Variants in CTPS2 observed in about 807,000 individuals in gnomAD.
The protein encoded by CTPS2 is CTP synthase 2.
CTPS2 carries 19 observed loss-of-function variants against 46.8 expected under a neutral mutation model. The observed-to-expected ratio is 0.41, with a 90% CI of 0.28 to 0.60. The LOEUF (loss-of-function observed/expected upper bound fraction) is 0.60. Ranked by LOEUF, CTPS2 falls within the 20% of genes least tolerant of loss-of-function variation. The probability of loss-of-function intolerance (pLI) is 0.35; values close to 1 mark genes in which losing one functional copy is unlikely to be tolerated. For missense variants in CTPS2, 286 were observed against 447.6 expected (o/e 0.64, Z 3.26); for synonymous variants, 151 against 165.2 (o/e 0.91, Z 0.66).
At chrX:16,611,915 A>T (rs1164175969) in intron 16 of CTPS2, among the ~76,000 whole-genome samples, 1 of 112,316 alleles carries the variant, frequency 8.9e-6, no homozygotes, top group African/African-American at 3.2e-5. Context: ...AAATTAAGCA[A>T]TGTAGCTTAA....
chrX:16,625,740 T>C (rs751661022), intron 14 of CTPS2, among the ~76,000 whole-genome samples: 3 of 109,586 alleles, frequency 2.7e-5, no homozygotes, highest in African/African-American at 3.3e-5. Context: ...GGAGATGGAG[T>C]GGGAAGATGA....
chrX:16,685,867 CAA>C (rs397976604), intron 8 of CTPS2, among the ~76,000 whole-genome samples: 19 of 24,474 alleles, frequency 7.8e-4, no homozygotes, highest in Middle Eastern at 0.017. Flanking sequence ...ACTCTGTCTC[CAA>C]AAAAAAAAAA....
Position 16,609,588 on chromosome X carries a change from A to G in CTPS2, c.1644T>C (p.Thr548=), listed in dbSNP as rs1930159486. 8.3e-7 allele frequency: 1 copy of G among 1,209,713 alleles called. No individual in the cohort carries two copies. Among genetic ancestry groups the G allele is most frequent in the African/African-American group, 1.7e-5 (1 of 57,179 alleles). Residue 548 remains threonine, a synonymous_variant, in exon 17 of 19, where the codon ACT becomes ACC. Coordinates refer to ENST00000359276, the MANE Select transcript of CTPS2 (RefSeq NM_175859.3). ...GTTGCAAGTAGGCATTCAGGTTCCC[A>G]GTTGCTGCAAGTAACAGCCCCAGAT... ...PPYLGLLLAA[T]GNLNAYLQQG...
chrX:16,643,228 T>G (rs1460616826), intron 13 of CTPS2, among the ~76,000 whole-genome samples: 1 of 112,195 alleles, frequency 8.9e-6, no homozygotes, highest in Non-Finnish European at 1.9e-5. Flanking sequence ...TGACTGGACC[T>G]ACCTGACCTA....
intron 17 of CTPS2, among the ~76,000 whole-genome samples, chrX:16,608,226 A>T (rs140218245): frequency 0.013 from 1,404 of 110,577 alleles, 35 homozygotes; most frequent in Admixed American, 0.063. Context: ...ATAAATAAAT[A>T]AATTAATTTA....
chrX:16,667,128 C>T (rs995143076), intron 13 of CTPS2, among the ~76,000 whole-genome samples: 1 of 97,288 alleles, frequency 1.0e-5, no homozygotes, highest in Non-Finnish European at 2.1e-5. Context: ...ATAATAGACC[C>T]CCCCCCGCCT....
intron 13 of CTPS2, among the ~76,000 whole-genome samples, chrX:16,656,678 T>G: frequency 8.9e-6 from 1 of 111,992 alleles, no homozygotes. Context: ...CCTCCCAAAG[T>G]GCTGGGATTA....
At chrX:16,682,992 C>A in intron 9 of CTPS2, 102 bp downstream of exon 9, 1 of 893,287 alleles carries the variant, frequency 1.1e-6, no homozygotes. Flanking sequence ...ATCGTAAGTC[C>A]TGCAGGTGAT....
chrX:16,696,777 T>C (rs1332763317), intron 4 of CTPS2, among the ~76,000 whole-genome samples: 1 of 111,515 alleles, frequency 9.0e-6, no homozygotes, highest in Non-Finnish European at 1.9e-5. Context: ...ATCTTCTACA[T>C]ATCATGATAT....
intron 7 of CTPS2, among the ~76,000 whole-genome samples, chrX:16,691,064 C>A (rs1410525407): frequency 8.9e-6 from 1 of 112,624 alleles, no homozygotes; most frequent in Non-Finnish European, 1.9e-5. Flanking sequence ...CGCCTGTAAT[C>A]CCAGCACTAT....
At chrX:16,701,105 C>T (rs1398481420) in intron 2 of CTPS2, among the ~76,000 whole-genome samples, 1 of 112,123 alleles carries the variant, frequency 8.9e-6, no homozygotes, top group African/African-American at 3.2e-5. Context: ...TGGTGGGTAA[C>T]ATTTTGAAGC....
At chrX:16,609,014 A>T (rs1930129181) in intron 17 of CTPS2, among the ~76,000 whole-genome samples, 2 of 111,998 alleles carry the variant, frequency 1.8e-5, no homozygotes, top group African/African-American at 6.5e-5. Context: ...AAAATATTTG[A>T]CTACATACAT....
chrX:16,668,328 G>A (rs750791495), intron 11 of CTPS2, among the ~76,000 whole-genome samples: 4 of 105,766 alleles, frequency 3.8e-5, no homozygotes, highest in Non-Finnish European at 5.8e-5. Context: ...TAATCCCAGC[G>A]CTTTGGGAGG....
At chrX:16,698,199 G>T in intron 4 of CTPS2, 37 bp downstream of exon 4, 1 of 981,141 alleles carries the variant, frequency 1.0e-6, no homozygotes, top group Non-Finnish European at 1.5e-6. Flanking sequence ...CAAAGACCCA[G>T]CAGGATATAA....
At chrX:16,630,507 G>A (rs1461469006) in intron 14 of CTPS2, among the ~76,000 whole-genome samples, 4 of 110,331 alleles carry the variant, frequency 3.6e-5, no homozygotes, top group Non-Finnish European at 7.6e-5. Flanking sequence ...GCCCACCTCG[G>A]CCTCCCAAAG....
rs1930751431 is a variant in CTPS2, at chrX:16,620,279, C to T, written c.1447G>A (p.Glu483Lys). 8.3e-7 allele frequency: 1 copy of T among 1,200,365 alleles called. No homozygotes were observed. Among genetic ancestry groups the T allele is most frequent in the Non-Finnish European group, 1.1e-6 (1 of 886,015 alleles). The change falls in exon 15 of 19, where the codon GAG becomes AAG. Residue 483 changes from glutamate (E) to lysine (K), a missense_variant and splice_region_variant. Coordinates refer to ENST00000359276, the MANE Select transcript of CTPS2 (RefSeq NM_175859.3). ...GTAATTCAGCATGAAAGCCGTACCT[C>T]GAACCGATGTCTGTGTCTTTCTTCT... Reference protein sequence around the residue: ...FIEERHRHRFEVNPNLIKQFE... With the variant: ...FIEERHRHRFKVNPNLIKQFE...
intron 3 of CTPS2, 47 bp downstream of exon 3, chrX:16,698,876 A>G: frequency 1.8e-6 from 2 of 1,126,099 alleles, no homozygotes; most frequent in Non-Finnish European, 2.4e-6. Context: ...GAGCAGTACA[A>G]AGATATTCAG....
At chrX:16,673,770 G>GT (rs1445310961) in intron 10 of CTPS2, among the ~76,000 whole-genome samples, 4 of 111,744 alleles carry the variant, frequency 3.6e-5, no homozygotes, top group African/African-American at 6.5e-5. Context: ...CAGATATTAG[G>GT]TTTTCTCAAT....
intron 13 of CTPS2, among the ~76,000 whole-genome samples, chrX:16,660,058 C>A (rs1384441865): frequency 8.9e-6 from 1 of 111,979 alleles, no homozygotes; most frequent in Non-Finnish European, 1.9e-5. Flanking sequence ...AATTTCATAT[C>A]TTTTGGATAT....
Sources: gnomAD v4.1 joint callset for allele counts (sites outside exome capture counted in the v4.1 genomes callset) on GRCh38, gnomAD v4.1.1 for gene constraint, MANE v1.5 for transcripts, NCBI Gene and HGNC (gene_info 2026-07-23, HGNC 2026-07-21) for gene names.